STX18: variants seen among roughly 807,000 people sequenced by gnomAD.
STX18 encodes the protein syntaxin 18.
A neutral mutation model predicts 50.1 loss-of-function variants in STX18; 40 were observed. The observed-to-expected ratio is 0.80, with a 90% CI of 0.62 to 1.04. STX18 has a LOEUF of 1.04. Among genes scored for constraint, STX18 ranks in the 50% least tolerant of loss-of-function variants. The pLI is 0.00. For missense variants in STX18, 410 were observed against 415.8 expected (o/e 0.99, Z 0.12); for synonymous variants, 158 against 151.8 (o/e 1.04, Z -0.30).
intron 1 of STX18, among the ~76,000 whole-genome samples, chr4:4,524,465 G>A (rs192155817): frequency 7.9e-5 from 12 of 152,212 alleles, no homozygotes; most frequent in African/African-American, 2.9e-4. Flanking sequence ...GTGGATTGAG[G>A]ATAAGAATAT....
At chr4:4,460,343 TAC>T (rs1358808676) in intron 2 of STX18, among the ~76,000 whole-genome samples, 1 of 152,198 alleles carries the variant, frequency 6.6e-6, no homozygotes, top group Non-Finnish European at 1.5e-5. Context: ...ATATGCTTGA[TAC>T]ACAGCTACGA....
chr4:4,431,902 C>T (rs570616835), intron 7 of STX18, among the ~76,000 whole-genome samples: 9 of 152,312 alleles, frequency 5.9e-5, no homozygotes, highest in South Asian at 2.1e-4. Flanking sequence ...GCTTGGAATC[C>T]CTGCGGCTGT....
At chr4:4,480,353 G>C (rs951561019) in intron 1 of STX18, among the ~76,000 whole-genome samples, 3 of 152,132 alleles carry the variant, frequency 2.0e-5, no homozygotes, top group Non-Finnish European at 2.9e-5. Flanking sequence ...AGGCCCGCCA[G>C]TGCCCTACGC....
At chr4:4,422,805 G>A (rs1214576477) in intron 9 of STX18, among the ~76,000 whole-genome samples, 11 of 152,172 alleles carry the variant, frequency 7.2e-5, no homozygotes, top group Admixed American at 5.2e-4. Context: ...TGTGGTTTAT[G>A]GAAAGTCATT....
At position 4,434,860 on chromosome 4, in the gene STX18, TG is replaced by T; in HGVS notation, c.614-3del. ...GTTGTGTTTCAGCCAAAATTTTTTC[TG>T]TTAAAAAAAAAATTGAAAATAGAAG... On this transcript the variant is annotated splice_polypyrimidine_tract_variant and splice_region_variant and intron_variant, in intron 6 of 10. Transcript: ENST00000306200. The T allele has an allele frequency of 6.3e-7, 1 of 1,597,654 alleles. No individual in the cohort carries two copies. The highest frequency in any genetic ancestry group is 8.5e-7 in the Non-Finnish European group (1 of 1,175,460).
chr4:4,532,473 C>CA (rs201462606), intron 1 of STX18, among the ~76,000 whole-genome samples: 5,138 of 147,268 alleles, frequency 0.035, 120 homozygotes, highest in South Asian at 0.073. Flanking sequence ...CAAACCAAAA[C>CA]AAAAAAAAAA....
chr4:4,537,203 C>T (rs1379869272), intron 1 of STX18, among the ~76,000 whole-genome samples: 1 of 152,196 alleles, frequency 6.6e-6, no homozygotes, highest in African/African-American at 2.4e-5. Flanking sequence ...TATCCTCACC[C>T]CAGAACCTGT....
At chr4:4,444,528 G>A (rs1185090604) in intron 5 of STX18, among the ~76,000 whole-genome samples, 1 of 152,158 alleles carries the variant, frequency 6.6e-6, no homozygotes, top group African/African-American at 2.4e-5. Flanking sequence ...GACACATATT[G>A]GAAGAATTAA....
At chr4:4,479,355 G>A (rs1728349152) in intron 1 of STX18, among the ~76,000 whole-genome samples, 1 of 152,120 alleles carries the variant, frequency 6.6e-6, no homozygotes, top group East Asian at 1.9e-4. Flanking sequence ...TTTAGCTTCT[G>A]CAAGTCTACC....
chr4:4,471,762 G>T, intron 1 of STX18, 56 bp from the exon 2 acceptor site: 2 of 1,243,522 alleles, frequency 1.6e-6, no homozygotes, highest in South Asian at 1.5e-5. Context: ...CTCATGTAAT[G>T]AATTTTAAAT....
chr4:4,424,372 C>T (rs1406897235), intron 8 of STX18, among the ~76,000 whole-genome samples: 1 of 148,842 alleles, frequency 6.7e-6, no homozygotes, highest in Non-Finnish European at 1.5e-5. Flanking sequence ...AACAGTATCA[C>T]AGTGGCAGGG....
At chr4:4,464,721 T>C (rs1727535590) in intron 2 of STX18, among the ~76,000 whole-genome samples, 1 of 152,236 alleles carries the variant, frequency 6.6e-6, no homozygotes. Flanking sequence ...TTGATTTCCA[T>C]GCAGTTGTAT....
At chr4:4,474,967 C>T (rs2108840291) in intron 1 of STX18, among the ~76,000 whole-genome samples, 2 of 152,358 alleles carry the variant, frequency 1.3e-5, no homozygotes, top group South Asian at 4.1e-4. Context: ...AAGAACCTTA[C>T]TATCCACAAC....
intron 7 of STX18, among the ~76,000 whole-genome samples, chr4:4,431,025 C>G (rs753955298): frequency 6.6e-6 from 1 of 150,458 alleles, no homozygotes; most frequent in Non-Finnish European, 1.5e-5. Flanking sequence ...TGGTCCAACT[C>G]TCACACCTAC....
At position 4,477,301 on chromosome 4, in the gene STX18, TAGTCATTTTG is replaced by T. The variant is rs1257203237; in HGVS notation, c.169-5605_169-5596del. Among the ~76,000 whole-genome samples, 3 of 152,326 alleles carry T rather than the reference TAGTCATTTTG, an allele frequency of 2.0e-5. No homozygotes were observed. In the East Asian group the frequency reaches 5.8e-4, roughly 29 times the overall value. On this transcript the variant is annotated intron_variant, in intron 1 of 10. Transcript: ENST00000306200. ...TAGTACTTTCTTCTTTTAACATTTT[TAGTCATTTTG>T]AGGTAGAGATTTTCTGCTACCAAAC...
chr4:4,458,203 C>T (rs1727183648), intron 3 of STX18, among the ~76,000 whole-genome samples: 1 of 152,160 alleles, frequency 6.6e-6, no homozygotes, highest in South Asian at 2.1e-4. Flanking sequence ...CGTGAAGAAA[C>T]TAAGGTTCAG....
chr4:4,493,466 G>A (rs971115242), intron 1 of STX18, among the ~76,000 whole-genome samples: 7 of 152,102 alleles, frequency 4.6e-5, no homozygotes, highest in African/African-American at 1.4e-4. Context: ...TGACACCACA[G>A]CATATTCACC....
At chr4:4,536,653 G>C (rs1377363700) in intron 1 of STX18, among the ~76,000 whole-genome samples, 1 of 152,190 alleles carries the variant, frequency 6.6e-6, no homozygotes, top group Non-Finnish European at 1.5e-5. Context: ...CAAAAGGAGG[G>C]GGAGAGGAGG....
At chr4:4,505,887 A>T (rs1336835500) in intron 1 of STX18, among the ~76,000 whole-genome samples, 1 of 152,256 alleles carries the variant, frequency 6.6e-6, no homozygotes, top group Non-Finnish European at 1.5e-5. Flanking sequence ...GAACCTTAGT[A>T]AGTCGGAGAC....
Sources: allele counts gnomAD v4.1 joint callset (sites outside exome capture counted in the v4.1 genomes callset), GRCh38; gene constraint gnomAD v4.1.1; transcripts MANE v1.5; gene names NCBI Gene and HGNC (gene_info 2026-07-23, HGNC 2026-07-21).